Variants in TENM4 observed in about 807,000 individuals in gnomAD.
The protein encoded by TENM4 is teneurin transmembrane protein 4.
Under a neutral mutation model 243.3 loss-of-function variants are expected in TENM4, and 82 were observed. The observed-to-expected ratio is 0.34, with a 90% CI of 0.28 to 0.40. The LOEUF (loss-of-function observed/expected upper bound fraction) is 0.40, where lower values mean the gene tolerates loss of function less well. Ranked by LOEUF, TENM4 falls within the 10% of genes least tolerant of loss-of-function variation. The pLI is 1.00. For synonymous variants in TENM4, 1,412 were observed against 1,456.3 expected, an observed-to-expected ratio of 0.97 and a Z score of 0.69; for missense variants, 3,138 against 3,673.3, an observed-to-expected ratio of 0.85 and a Z score of 3.77.
At chr11:79,192,613 C>T (rs948447215) in intron 3 of TENM4, among the ~76,000 whole-genome samples, 4 of 151,968 alleles carry the variant, frequency 2.6e-5, no homozygotes, top group African/African-American at 4.8e-5. Context: ...TCTCAAGTAC[C>T]CAGGGACACA....
chr11:78,704,159 C>CCA (rs1324569795), intron 27 of TENM4, among the ~76,000 whole-genome samples: 4 of 106,028 alleles, frequency 3.8e-5, no homozygotes, highest in East Asian at 2.7e-4. Context: ...GTATGTGTGT[C>CCA]TATATATATA....
chr11:79,107,914 C>T (rs1318504384), intron 4 of TENM4, among the ~76,000 whole-genome samples: 3 of 152,222 alleles, frequency 2.0e-5, no homozygotes, highest in African/African-American at 2.4e-5. Flanking sequence ...AGTGATAGCA[C>T]TGGGATCTGA....
rs374008782 is a variant in TENM4, at chr11:79,298,474, C to T, written c.-320-931G>A. 3.3e-3 allele frequency among the ~76,000 whole-genome samples: 473 copies of T among 142,854 alleles called. 4 individuals are homozygous for T. The highest frequency in any genetic ancestry group is 9.9e-3 in the African/African-American group (382 of 38,454). The allele number at this position is 142,854 out of a possible 152,430, so 93.7% of individuals were successfully genotyped here. ...AGCTTGCAGTGAGCCGAGATTGCGC[C>T]ACTGCAGTCCGCAGTCCGGCCTGGG... On this transcript the variant is annotated intron_variant, in intron 1 of 33. Transcript: ENST00000278550.
chr11:79,431,887 T>G (rs547197931), intron 1 of TENM4, among the ~76,000 whole-genome samples: 1 of 152,252 alleles, frequency 6.6e-6, no homozygotes, highest in African/African-American at 2.4e-5. Context: ...AAATTTTACA[T>G]TGGAGTTCAC....
At chr11:78,821,689 G>A (rs1857737517) in intron 12 of TENM4, among the ~76,000 whole-genome samples, 2 of 152,138 alleles carry the variant, frequency 1.3e-5, no homozygotes, top group African/African-American at 4.8e-5. Context: ...ATTCTTGAAG[G>A]AATTGAAAAT....
intron 4 of TENM4, among the ~76,000 whole-genome samples, chr11:79,126,403 A>G (rs1861877025): frequency 2.6e-5 from 4 of 152,226 alleles, no homozygotes; most frequent in Admixed American, 2.6e-4. Context: ...CAGTCACTCA[A>G]CTACAAAATT....
intron 32 of TENM4, among the ~76,000 whole-genome samples, chr11:78,668,115 G>T (rs2135663546): frequency 6.6e-6 from 1 of 152,326 alleles, no homozygotes; most frequent in South Asian, 2.1e-4. Flanking sequence ...AGTACCTCAT[G>T]AAATGTATTT....
In TENM4 at chr11:79,124,640, T is replaced by G. The variant is rs896243631; in HGVS notation, c.-66+24070A>C. Among the ~76,000 whole-genome samples, 4 of 122,298 alleles carry G rather than the reference T, an allele frequency of 3.3e-5. No individual in the cohort carries two copies. The East Asian group carries it at 8.2e-4, about 25-fold the overall frequency. 80.2% of individuals were successfully genotyped at this position (122,298 alleles called of 152,430 possible). Reference sequence around the variant, plus strand: ...ATATACATACATATGCACGTATATATATATATGTGTGTGTGTGTGTGTGTG... The same window carrying G: ...ATATACATACATATGCACGTATATAGATATATGTGTGTGTGTGTGTGTGTG... On this transcript the variant is annotated intron_variant, in intron 4 of 33. Coordinates refer to ENST00000278550, the MANE Select transcript of TENM4 (RefSeq NM_001098816.3).
At position 78,884,338 on chromosome 11, in the gene TENM4, T is replaced by C. The variant is rs145987391; in HGVS notation, c.1084+5447A>G. Reference sequence around the variant, plus strand: ...GGGACAGTCTTTCCAGCCACTTCCATAAGGAAAGTGAAAACCAAGGTTCAG... The same window carrying C: ...GGGACAGTCTTTCCAGCCACTTCCACAAGGAAAGTGAAAACCAAGGTTCAG... On this transcript the variant is annotated intron_variant, in intron 9 of 33. Coordinates refer to ENST00000278550, the MANE Select transcript of TENM4 (RefSeq NM_001098816.3). 5.4e-3 allele frequency among the ~76,000 whole-genome samples: 819 copies of C among 152,272 alleles called. 8 individuals carry two copies. The highest frequency in any genetic ancestry group is 0.019 in the African/African-American group (769 of 41,554).
chr11:79,355,838 A>T (rs1256492393), intron 1 of TENM4, among the ~76,000 whole-genome samples: 1 of 152,214 alleles, frequency 6.6e-6, no homozygotes, highest in African/African-American at 2.4e-5. Flanking sequence ...ACACTGACAC[A>T]TGAGACCACA....
intron 1 of TENM4, among the ~76,000 whole-genome samples, chr11:79,403,623 A>G (rs1023417333): frequency 2.0e-5 from 3 of 152,176 alleles, no homozygotes; most frequent in African/African-American, 7.2e-5. Context: ...CCAGTGCCCA[A>G]GAGGTAGCCC....
At chr11:79,171,411 G>A (rs1470578544) in intron 3 of TENM4, among the ~76,000 whole-genome samples, 1 of 152,218 alleles carries the variant, frequency 6.6e-6, no homozygotes, top group Non-Finnish European at 1.5e-5. Flanking sequence ...TTCCAAGACT[G>A]TGCCTTCCTA....
intron 6 of TENM4, among the ~76,000 whole-genome samples, chr11:79,037,942 C>T (rs1459540822): frequency 6.6e-6 from 1 of 152,144 alleles, no homozygotes; most frequent in Non-Finnish European, 1.5e-5. Flanking sequence ...GAAGGGCTTG[C>T]ACTCAGAACC....
intron 1 of TENM4, among the ~76,000 whole-genome samples, chr11:79,386,711 C>G (rs372086694): frequency 4.6e-5 from 7 of 151,024 alleles, no homozygotes; most frequent in African/African-American, 7.3e-5. Context: ...AACCATACAA[C>G]CACCAGAATA....
At chr11:79,148,172 C>T (rs1455717141) in intron 4 of TENM4, among the ~76,000 whole-genome samples, 1 of 152,092 alleles carries the variant, frequency 6.6e-6, no homozygotes, top group African/African-American at 2.4e-5. Context: ...GTGGGAGCTG[C>T]TCTTGAAACC....
intron 4 of TENM4, among the ~76,000 whole-genome samples, chr11:79,116,896 T>C (rs1172222241): frequency 6.6e-6 from 1 of 152,208 alleles, no homozygotes; most frequent in Non-Finnish European, 1.5e-5. Flanking sequence ...GAAAGGTGTA[T>C]AACATGCTTA....
chr11:79,238,270 A>G (rs1405437637), intron 2 of TENM4, among the ~76,000 whole-genome samples: 1 of 152,160 alleles, frequency 6.6e-6, no homozygotes, highest in Admixed American at 6.5e-5. Context: ...TGTCAAGTTG[A>G]CAGGGCTGAG....
intron 6 of TENM4, among the ~76,000 whole-genome samples, chr11:78,987,660 A>C (rs1416817027): frequency 1.3e-5 from 2 of 152,254 alleles, no homozygotes; most frequent in African/African-American, 2.4e-5. Flanking sequence ...AAGGGAGGGC[A>C]AATAAAATGT....
intron 6 of TENM4, among the ~76,000 whole-genome samples, chr11:79,034,647 G>T (rs1218815367): frequency 6.6e-6 from 1 of 151,878 alleles, no homozygotes; most frequent in African/African-American, 2.4e-5. Context: ...CTGTCTTTTG[G>T]AACACTCTAT....
Sources: gnomAD v4.1 joint callset for allele counts (sites outside exome capture counted in the v4.1 genomes callset) on GRCh38, gnomAD v4.1.1 for gene constraint, MANE v1.5 for transcripts, NCBI Gene and HGNC (gene_info 2026-07-23, HGNC 2026-07-21) for gene names.